Variants in MICU1 observed in about 807,000 individuals in gnomAD.
The protein encoded by MICU1 is calcium uptake protein 1, mitochondrial.
MICU1 carries 45 observed loss-of-function variants against 56.8 expected under a neutral mutation model. That is an observed-to-expected ratio of 0.79 (90% CI 0.62 to 1.02). The LOEUF is 1.02. Among genes scored for constraint, MICU1 ranks in the 50% least tolerant of loss-of-function variants. The pLI is 0.00. For synonymous variants in MICU1, 186 were observed against 195.1 expected, an observed-to-expected ratio of 0.95 and a Z score of 0.39; for missense variants, 504 against 587.1, an observed-to-expected ratio of 0.86 and a Z score of 1.46.
At chr10:72,387,801 A>C (rs1862943218) in intron 10 of MICU1, among the ~76,000 whole-genome samples, 1 of 152,000 alleles carries the variant, frequency 6.6e-6, no homozygotes, top group South Asian at 2.1e-4. Context: ...ATTTAAAAAA[A>C]AAAACACTTT....
intron 8 of MICU1, among the ~76,000 whole-genome samples, chr10:72,446,741 T>C (rs1436617084): frequency 6.6e-6 from 1 of 152,188 alleles, no homozygotes; most frequent in African/African-American, 2.4e-5. Flanking sequence ...AATAATAGTG[T>C]CTCAAACCAA....
intron 5 of MICU1, among the ~76,000 whole-genome samples, chr10:72,512,012 A>T (rs1413066179): frequency 6.6e-6 from 1 of 151,626 alleles, no homozygotes; most frequent in Non-Finnish European, 1.5e-5. Context: ...GTATTCCTTA[A>T]TCTAGTCAAG....
At chr10:72,466,455 A>G (rs1865796679) in intron 8 of MICU1, among the ~76,000 whole-genome samples, 1 of 152,234 alleles carries the variant, frequency 6.6e-6, no homozygotes, top group Non-Finnish European at 1.5e-5. Flanking sequence ...AAACTCTTCC[A>G]ATTTTTGGAA....
intron 8 of MICU1, among the ~76,000 whole-genome samples, chr10:72,444,367 TATAATA>T (rs1290519925): frequency 5.9e-4 from 90 of 151,636 alleles, no homozygotes; most frequent in Non-Finnish European, 1.2e-3. Flanking sequence ...AAACTTAAAG[TATAATA>T]ATAATAAGAA....
intron 10 of MICU1, among the ~76,000 whole-genome samples, chr10:72,389,501 T>C (rs963434319): frequency 2.0e-5 from 3 of 152,150 alleles, no homozygotes; most frequent in Non-Finnish European, 4.4e-5. Flanking sequence ...TGTCAGATAA[T>C]AAGGTAAACT....
intron 5 of MICU1, among the ~76,000 whole-genome samples, chr10:72,522,354 T>C (rs922601738): frequency 1.3e-5 from 2 of 152,134 alleles, no homozygotes; most frequent in Non-Finnish European, 2.9e-5. Flanking sequence ...ATGTTTATGT[T>C]TTCAAATCAA....
At chr10:72,487,382 A>G (rs1223371103) in intron 6 of MICU1, among the ~76,000 whole-genome samples, 1 of 152,148 alleles carries the variant, frequency 6.6e-6, no homozygotes, top group East Asian at 1.9e-4. Context: ...GCAGAGTTTC[A>G]ATGGAAGTTT....
intron 6 of MICU1, among the ~76,000 whole-genome samples, chr10:72,485,129 A>G (rs912502313): frequency 2.0e-5 from 3 of 152,246 alleles, no homozygotes; most frequent in African/African-American, 7.2e-5. Context: ...TAACCAAAAT[A>G]AAGAAATAAA....
intron 11 of MICU1, among the ~76,000 whole-genome samples, chr10:72,371,467 G>A (rs373580171): frequency 3.6e-4 from 54 of 151,850 alleles, no homozygotes; most frequent in African/African-American, 1.2e-3. Flanking sequence ...CCGAGGCCAG[G>A]CACGGTGCCT....
intron 10 of MICU1, among the ~76,000 whole-genome samples, chr10:72,389,644 T>C (rs1044380988): frequency 1.3e-5 from 2 of 152,208 alleles, no homozygotes; most frequent in Non-Finnish European, 2.9e-5. Flanking sequence ...TTTCTGATTT[T>C]ATAGTTCAAA....
At chr10:72,585,572 GTAA>G (rs1321909328) in intron 1 of MICU1, among the ~76,000 whole-genome samples, 3 of 151,426 alleles carry the variant, frequency 2.0e-5, no homozygotes, top group Non-Finnish European at 4.4e-5. Flanking sequence ...GCGTGTGCCT[GTAA>G]TCCCAGCTAC....
At chr10:72,445,071 TA>T (rs1230682535) in intron 8 of MICU1, among the ~76,000 whole-genome samples, 2 of 152,186 alleles carry the variant, frequency 1.3e-5, no homozygotes, top group African/African-American at 4.8e-5. Context: ...TGAGTCCAGT[TA>T]TATATAAAGT....
At chr10:72,603,160 G>A (rs1841587930) in intron 1 of MICU1, among the ~76,000 whole-genome samples, 1 of 151,942 alleles carries the variant, frequency 6.6e-6, no homozygotes, top group Non-Finnish European at 1.5e-5. Flanking sequence ...GGCCAAGGCG[G>A]GTGATCACCT....
intron 5 of MICU1, among the ~76,000 whole-genome samples, chr10:72,517,686 G>T (rs533116536): frequency 3.3e-5 from 5 of 152,022 alleles, no homozygotes; most frequent in African/African-American, 1.2e-4. Flanking sequence ...TACACTGCTC[G>T]GTGATGGGTG....
chr10:72,557,391 G>A (rs1840185284), intron 3 of MICU1, among the ~76,000 whole-genome samples: 1 of 152,170 alleles, frequency 6.6e-6, no homozygotes, highest in Non-Finnish European at 1.5e-5. Flanking sequence ...TTAGGAGCCA[G>A]GCCTAGACAT....
At chr10:72,391,818 G>C (rs1453548495) in intron 10 of MICU1, 1 of 152,174 alleles carries the variant, frequency 6.6e-6, no homozygotes, top group Non-Finnish European at 1.5e-5. Flanking sequence ...TGTGTTAACT[G>C]ACTGTATGTT....
intron 8 of MICU1, among the ~76,000 whole-genome samples, chr10:72,435,529 C>T (rs1428029276): frequency 2.0e-5 from 3 of 152,006 alleles, no homozygotes; most frequent in Non-Finnish European, 4.4e-5. Flanking sequence ...GTTCATCTCA[C>T]TGGGACTGGT....
chr10:72,424,964 C>T lies in MICU1; in HGVS notation c.934-1593G>A, dbSNP rs117829158. ...ACTCAATTTTTGATGTTTGTCACACCATCTTTCTATAGAGCTGATAAATTT... is the reference window on the plus strand; with the variant it reads ...ACTCAATTTTTGATGTTTGTCACACTATCTTTCTATAGAGCTGATAAATTT... On this transcript the variant is annotated intron_variant, in intron 8 of 11. Coordinates refer to ENST00000361114, the MANE Select transcript of MICU1 (RefSeq NM_001195518.2). Among the ~76,000 whole-genome samples the T allele has an allele frequency of 5.4e-3, 822 of 152,238 alleles. 5 individuals carry two copies. The highest frequency in any genetic ancestry group is 0.026 in the East Asian group (136 of 5,186).
chr10:72,534,675 A>G (rs1193212401), intron 4 of MICU1, among the ~76,000 whole-genome samples: 1 of 152,218 alleles, frequency 6.6e-6, no homozygotes, highest in Non-Finnish European at 1.5e-5. Flanking sequence ...CTATGCCCAC[A>G]GTATTACAAT....
Sources: allele counts gnomAD v4.1 joint callset (sites outside exome capture counted in the v4.1 genomes callset), GRCh38; gene constraint gnomAD v4.1.1; transcripts MANE v1.5; gene names NCBI Gene and HGNC (gene_info 2026-07-23, HGNC 2026-07-21).